ALG12: variants seen among roughly 807,000 people sequenced by gnomAD.
ALG12 encodes ALG12 alpha-1,6-mannosyltransferase.
ALG12 carries 36 observed loss-of-function variants against 46.0 expected under a neutral mutation model. That is an observed-to-expected ratio of 0.78 (90% CI 0.60 to 1.03). ALG12 has a LOEUF of 1.03. Among genes scored for constraint, ALG12 ranks in the 50% least tolerant of loss-of-function variants. ALG12 has a pLI of 0.00. For missense variants in ALG12, 599 were observed against 633.5 expected, an observed-to-expected ratio of 0.95 and a Z score of 0.58; for synonymous variants, 326 against 291.6, an observed-to-expected ratio of 1.12 and a Z score of -1.20.
chr22:49,909,250 G>T lies in ALG12; in HGVS notation c.762C>A (p.Asn254Lys), dbSNP rs143204935. ...WYNTVLNKSS[N>K]WGTSPLLWYF... ...CACGGACACTGAAGGATACCCCCCAGTTGGAGCTTTTGTTCAGGACAGTGT... is the reference window on the plus strand; with the variant it reads ...CACGGACACTGAAGGATACCCCCCATTTGGAGCTTTTGTTCAGGACAGTGT... Residue 254 changes from asparagine to lysine, a missense_variant, in exon 6 of 10, where the codon AAC becomes AAA. Transcript: ENST00000330817. 1.8e-4 allele frequency: 288 copies of T among 1,614,124 alleles called. 1 individual carries two copies. Among genetic ancestry groups the T allele is most frequent in the Non-Finnish European group, 2.3e-4 (266 of 1,180,048 alleles).
At chr22:49,877,429 T>C in the ALG12 span, among the ~76,000 whole-genome samples, 54 of 152,150 alleles carry the variant, frequency 3.5e-4, no homozygotes, top group South Asian at 9.1e-3. Context: ...GTAGCTATTA[T>C]TACAGATATG....
At chr22:49,864,952 C>G in the ALG12 span, among the ~76,000 whole-genome samples, 3 of 120,544 alleles carry the variant, frequency 2.5e-5, no homozygotes, top group Admixed American at 1.5e-4. Flanking sequence ...CCCCCCCCCC[C>G]GTGAAGTCAG....
the ALG12 span, among the ~76,000 whole-genome samples, chr22:49,873,167 G>T: frequency 6.6e-6 from 1 of 152,182 alleles, no homozygotes; most frequent in African/African-American, 2.4e-5. Flanking sequence ...TTCACGTCTT[G>T]GCTGTTGGTA....
chr22:49,861,390 C>T, the ALG12 span, among the ~76,000 whole-genome samples: 1 of 152,126 alleles, frequency 6.6e-6, no homozygotes, highest in African/African-American at 2.4e-5. Flanking sequence ...GATCTGCCTG[C>T]CTCAGTCTCT....
chr22:49,887,182 T>G, the ALG12 span: 12 of 1,600,440 alleles, frequency 7.5e-6, no homozygotes, highest in South Asian at 1.1e-5. Context: ...GTATTGAAAC[T>G]CACGACGGCA....
the ALG12 span, among the ~76,000 whole-genome samples, chr22:49,864,378 G>A: frequency 6.6e-6 from 1 of 152,220 alleles, no homozygotes; most frequent in African/African-American, 2.4e-5. Flanking sequence ...AAACAGTGAA[G>A]ATATTTTTTG....
the ALG12 span, chr22:49,887,398 T>C: frequency 2.2e-6 from 1 of 452,338 alleles, no homozygotes; most frequent in Non-Finnish European, 4.1e-6. Context: ...AGAAATAGCT[T>C]GTCCTGTCAA....
At chr22:49,880,393 C>T in the ALG12 span, among the ~76,000 whole-genome samples, 1 of 152,242 alleles carries the variant, frequency 6.6e-6, no homozygotes, top group Non-Finnish European at 1.5e-5. Context: ...GTAGCTCCCT[C>T]CTCTCCCGCG....
Position 49,913,754 on chromosome 22 carries a change from C to G in ALG12, c.12G>C (p.Lys4Asn). ...GCAGGGGCCGCCTGCCTGATGACCCCTTTCCAGCCATTCCAGGCTTTCAGC... is the reference window on the plus strand; with the variant it reads ...GCAGGGGCCGCCTGCCTGATGACCCGTTTCCAGCCATTCCAGGCTTTCAGC... The part of the protein sequence containing the change: MAG[K>N]GSSGRRPLLL... The change falls in exon 2 of 10, where the codon AAG (lysine) becomes AAC (asparagine). Residue 4 changes from lysine (K) to asparagine (N), a missense_variant. Lys to Asn is a moderately conservative substitution (Grantham distance 94). Coordinates refer to ENST00000330817, the MANE Select transcript of ALG12 (RefSeq NM_024105.4). 6.2e-7 allele frequency: 1 copy of G among 1,613,642 alleles called. No homozygotes were observed. The highest frequency in any genetic ancestry group is 8.5e-7 in the Non-Finnish European group (1 of 1,180,042).
In ALG12 at chr22:49,901,644, AC is replaced by A. The variant is rs1485178479; in HGVS notation, c.*2193del. 1 of 88,376 alleles carries A rather than the reference AC, an allele frequency of 1.1e-5. No homozygotes were observed. Among genetic ancestry groups the A allele is most frequent in the East Asian group, 2.6e-4 (1 of 3,852 alleles). The allele number at this position is 88,376 out of a possible 1,614,324, so 5.5% of individuals were successfully genotyped here. A position where few individuals can be genotyped will look rare whatever the true frequency, so the allele number is the denominator to read the frequency against. The stretch of plus-strand genomic sequence containing the variant: ...CGTGGTGGGTATGTATGGTGTGTGC[AC>A]GTGTGATCATGCATGTATGGTGTGT... On this transcript the variant is annotated 3_prime_UTR_variant, in exon 10 of 10. Transcript: ENST00000330817.
At chr22:49,914,372 A>G (rs1365168669) in intron 1 of ALG12, among the ~76,000 whole-genome samples, 1 of 152,222 alleles carries the variant, frequency 6.6e-6, no homozygotes, top group East Asian at 1.9e-4. Flanking sequence ...CCCCGCTCCC[A>G]GGAATGGTGG....
rs73443951 is a variant in ALG12, at chr22:49,907,603, C to T, written c.992+118G>A. ...TGCAGTAAGCCCCACTCCAGCTGGG[C>T]GACAGAGCAAGACCCTGTTTCAAAA... On this transcript the variant is annotated intron_variant, in intron 7 of 9. Coordinates refer to ENST00000330817, the MANE Select transcript of ALG12 (RefSeq NM_024105.4). 114,737 of 1,183,724 alleles carry T rather than the reference C, an allele frequency of 0.097. 7,577 individuals carry two copies. Among genetic ancestry groups the T allele is most frequent in the South Asian group, 0.25 (18,825 of 76,040 alleles). The allele number at this position is 1,183,724 out of a possible 1,614,324, so 73.3% of individuals were successfully genotyped here.
chr22:49,863,706 C>T, the ALG12 span, among the ~76,000 whole-genome samples: 1 of 151,850 alleles, frequency 6.6e-6, no homozygotes, highest in Non-Finnish European at 1.5e-5. Flanking sequence ...AGATAAACCT[C>T]TTCTTATCCA....
chr22:49,907,739 G>A lies in ALG12; in HGVS notation c.974C>T (p.Ala325Val). Residue 325 changes from alanine to valine, a missense_variant, in exon 7 of 10, where the codon GCC becomes GTC. Physicochemically the swap from Ala to Val is moderately conservative, Grantham distance 64 (BLOSUM62 0). Transcript: ENST00000330817. ...CACTCACAGGTAGGAGCAGCCTCTG[G>A]CAGCCGTGATGTTGAGCATGGGGAA... Reference protein sequence around the residue: ...YAFPMLNITAARGCSYLLNNY... With the variant: ...YAFPMLNITAVRGCSYLLNNY... The A allele has an allele frequency of 6.2e-7, 1 of 1,614,044 alleles. No homozygotes were observed. The highest frequency in any genetic ancestry group is 1.7e-5 in the Admixed American group (1 of 60,028).
downstream of ALG12, among the ~76,000 whole-genome samples, chr22:49,896,840 C>T (rs2147567665): frequency 6.6e-6 from 1 of 151,632 alleles, no homozygotes; most frequent in African/African-American, 2.4e-5. Context: ...CGGGTTTCGC[C>T]ATGTTTGCCA....
At position 49,906,621 on chromosome 22, in the gene ALG12, T is replaced by C. The variant is rs766316075; in HGVS notation, c.992+1100A>G. On this transcript the variant is annotated intron_variant, in intron 7 of 9. Transcript: ENST00000330817. The surrounding 1 kb of genome is among the most constrained non-coding windows in gnomAD (Gnocchi z 4.4). ...CGCTGCCTGAGATCAGGGACCGCAT[T>C]GTGGGGCTTCCTCTCCAGCCAGAGT... is the stretch of plus-strand genomic sequence containing the variant. Among the ~76,000 whole-genome samples, 16 of 152,150 alleles carry C rather than the reference T, an allele frequency of 1.1e-4. No individual in the cohort carries two copies. Among genetic ancestry groups the C allele is most frequent in the Non-Finnish European group, 1.9e-4 (13 of 67,998 alleles).
In ALG12 at chr22:49,913,232, G is replaced by T. The variant is rs558603551; in HGVS notation, c.295+153C>A. Among the ~76,000 whole-genome samples the T allele has an allele frequency of 5.3e-5, 8 of 152,364 alleles. No individual in the cohort carries two copies. In the East Asian group the frequency reaches 1.5e-3, roughly 29 times the overall value. On this transcript the variant is annotated intron_variant, in intron 3 of 9. Transcript: ENST00000330817. ...GACTCAGACGTCTTAGGCCTGACCTGAGCACCTGCTCTGAGCCGCCATGCC... is the reference window on the plus strand; with the variant it reads ...GACTCAGACGTCTTAGGCCTGACCTTAGCACCTGCTCTGAGCCGCCATGCC...
chr22:49,870,704 T>C, the ALG12 span, among the ~76,000 whole-genome samples: 3 of 152,162 alleles, frequency 2.0e-5, no homozygotes, highest in Admixed American at 2.0e-4. Flanking sequence ...TTATAGATTC[T>C]GGATTTCAGA....
chr22:49,881,163 T>C, the ALG12 span, among the ~76,000 whole-genome samples: 1 of 152,108 alleles, frequency 6.6e-6, no homozygotes, highest in East Asian at 1.9e-4. Flanking sequence ...CTGGCCAACA[T>C]GGCGAAACCC....
Sources: gnomAD v4.1 joint callset for allele counts (sites outside exome capture counted in the v4.1 genomes callset) on GRCh38, gnomAD v4.1.1 for gene constraint, Gnocchi (gnomAD v3.1) non-coding constraint, MANE v1.5 for transcripts, NCBI Gene and HGNC (gene_info 2026-07-23, HGNC 2026-07-21) for gene names.